The following MACROD2 variants were observed in gnomAD, a reference collection of about 807,000 sequenced individuals.
The protein encoded by MACROD2 is mono-ADP ribosylhydrolase 2, also known as ADP-ribose glycohydrolase MACROD2.
MACROD2 carries 36 observed loss-of-function variants against 70.4 expected under a neutral mutation model. That is an observed-to-expected ratio of 0.51 (90% CI 0.39 to 0.68). MACROD2 has a LOEUF of 0.68. MACROD2 is among the 30% of genes least tolerant of loss of function. The pLI, the probability that MACROD2 is intolerant of heterozygous loss-of-function variation, is 0.00. For synonymous variants in MACROD2, 172 were observed against 178.8 expected, an observed-to-expected ratio of 0.96 and a Z score of 0.30; for missense variants, 496 against 538.4, an observed-to-expected ratio of 0.92 and a Z score of 0.78.
At chr20:16,022,497 C>G (rs1356024957) in intron 15 of MACROD2, among the ~76,000 whole-genome samples, 1 of 152,188 alleles carries the variant, frequency 6.6e-6, no homozygotes, top group African/African-American at 2.4e-5. Context: ...CAATGACTCT[C>G]AAGCTTTTAC....
intron 8 of MACROD2, among the ~76,000 whole-genome samples, chr20:15,847,894 A>AG (rs1388239844): frequency 9.3e-6 from 1 of 107,952 alleles, no homozygotes; most frequent in Non-Finnish European, 2.5e-5. Context: ...TTTGCTTAAA[A>AG]GGGAAAAAAA....
intron 1 of MACROD2, among the ~76,000 whole-genome samples, chr20:13,998,885 G>C (rs1198683225): frequency 6.6e-6 from 1 of 151,694 alleles, no homozygotes; most frequent in Non-Finnish European, 1.5e-5. Context: ...AATCCAGGTG[G>C]GAGAGGTTGG....
chr20:15,407,953 A>C (rs976572369), intron 6 of MACROD2, among the ~76,000 whole-genome samples: 9 of 152,140 alleles, frequency 5.9e-5, no homozygotes, highest in African/African-American at 2.2e-4. Flanking sequence ...AGTGACAGCA[A>C]CACCCCAAAG....
chr20:14,007,574 G>A (rs6110128), intron 2 of MACROD2, among the ~76,000 whole-genome samples: 23,133 of 152,170 alleles, frequency 0.15, 1,946 homozygotes, highest in Admixed American at 0.22. Flanking sequence ...AAAGACAAAG[G>A]TAGATATATA....
At chr20:14,962,017 G>A (rs370302640) in intron 5 of MACROD2, among the ~76,000 whole-genome samples, 3 of 151,380 alleles carry the variant, frequency 2.0e-5, no homozygotes, top group African/African-American at 7.3e-5. Context: ...TCTCACTCTC[G>A]CTCAGACTGG....
intron 2 of MACROD2, among the ~76,000 whole-genome samples, chr20:14,055,454 G>C (rs1043128630): frequency 7.1e-6 from 1 of 140,160 alleles, no homozygotes; most frequent in Non-Finnish European, 1.5e-5. Context: ...TCTTCCATTA[G>C]TTATTCTTAT....
intron 8 of MACROD2, among the ~76,000 whole-genome samples, chr20:15,752,021 C>T (rs562765699): frequency 1.2e-4 from 18 of 151,954 alleles, no homozygotes; most frequent in African/African-American, 4.3e-4. Context: ...TTCTAGAACT[C>T]GGACTGACAT....
At chr20:14,232,673 A>G (rs2081828140) in intron 3 of MACROD2, among the ~76,000 whole-genome samples, 5 of 152,230 alleles carry the variant, frequency 3.3e-5, no homozygotes. Context: ...GTTTAAGGGA[A>G]TATTGTGGTT....
intron 6 of MACROD2, among the ~76,000 whole-genome samples, chr20:15,393,788 C>T (rs1416740287): frequency 6.6e-6 from 1 of 152,096 alleles, no homozygotes; most frequent in African/African-American, 2.4e-5. Context: ...AACCATCCAC[C>T]TTCTAACAAG....
In MACROD2 at chr20:15,642,063, T is replaced by G. The variant is rs527830276; in HGVS notation, c.645+142216T>G. The stretch of plus-strand genomic sequence containing the variant: ...TCCAGAGACAGTTGAGAAAACCTAT[T>G]TTCTTTCCTGTCTACTCAGTATTTG... On this transcript the variant is annotated intron_variant, in intron 8 of 17. Transcript: ENST00000684519. 5.3e-5 allele frequency among the ~76,000 whole-genome samples: 8 copies of G among 152,310 alleles called. No individual in the cohort carries two copies. In the East Asian group the frequency reaches 1.5e-3, roughly 29 times the overall value.
chr20:15,677,627 T>C (rs1315363121), intron 8 of MACROD2, among the ~76,000 whole-genome samples: 4 of 152,068 alleles, frequency 2.6e-5, no homozygotes, highest in African/African-American at 7.2e-5. Context: ...AGTTTCATTG[T>C]CTTCTATGGC....
intron 5 of MACROD2, among the ~76,000 whole-genome samples, chr20:14,723,750 G>T (rs546045475): frequency 6.6e-6 from 1 of 151,594 alleles, no homozygotes; most frequent in South Asian, 2.1e-4. Context: ...TTATGTATCT[G>T]GTCATATCCC....
At chr20:15,476,536 T>C (rs1294695341) in intron 7 of MACROD2, among the ~76,000 whole-genome samples, 3 of 151,200 alleles carry the variant, frequency 2.0e-5, no homozygotes, top group Non-Finnish European at 4.4e-5. Flanking sequence ...CATACAGGCT[T>C]GGTTTTCCAA....
chr20:15,525,173 A>G (rs1052822809), intron 8 of MACROD2, among the ~76,000 whole-genome samples: 4 of 152,216 alleles, frequency 2.6e-5, no homozygotes, highest in Non-Finnish European at 4.4e-5. Context: ...GTCACCAAAG[A>G]AGAAAGGAAC....
At chr20:15,425,383 G>A (rs73270943) in intron 6 of MACROD2, among the ~76,000 whole-genome samples, 44 of 152,266 alleles carry the variant, frequency 2.9e-4, no homozygotes, top group African/African-American at 1.0e-3. Flanking sequence ...TTAACTGGTG[G>A]AGCTTTCTCT....
At chr20:14,341,372 T>A (rs2083010888) in intron 3 of MACROD2, among the ~76,000 whole-genome samples, 1 of 152,226 alleles carries the variant, frequency 6.6e-6, no homozygotes. Context: ...GCGCAGTGGC[T>A]CATGCCTGTA....
At chr20:14,393,976 C>G (rs1215223599) in intron 3 of MACROD2, among the ~76,000 whole-genome samples, 1 of 152,070 alleles carries the variant, frequency 6.6e-6, no homozygotes, top group African/African-American at 2.4e-5. Context: ...GGAAGAGGGC[C>G]GTCACTAAGA....
At chr20:15,459,073 G>A (rs1248358594) in intron 7 of MACROD2, among the ~76,000 whole-genome samples, 2 of 152,056 alleles carry the variant, frequency 1.3e-5, no homozygotes, top group African/African-American at 4.8e-5. Context: ...TTATCAGAAG[G>A]CCACTTGGAG....
intron 6 of MACROD2, among the ~76,000 whole-genome samples, chr20:15,233,931 T>G (rs2145989576): frequency 7.3e-6 from 1 of 137,808 alleles, no homozygotes; most frequent in Non-Finnish European, 1.5e-5. Flanking sequence ...TTATTTTTAT[T>G]TAACCATGAG....
Sources: allele counts gnomAD v4.1 joint callset (sites outside exome capture counted in the v4.1 genomes callset), GRCh38; gene constraint gnomAD v4.1.1; transcripts MANE v1.5; gene names NCBI Gene and HGNC (gene_info 2026-07-23, HGNC 2026-07-21).